TOMM7: variants seen among roughly 807,000 people sequenced by gnomAD.
TOMM7 encodes translocase of outer mitochondrial membrane 7, also known as mitochondrial import receptor subunit TOM7 homolog.
TOMM7 carries 8 observed loss-of-function variants against 9.5 expected under a neutral mutation model. That is an observed-to-expected ratio of 0.84 (90% confidence interval 0.49 to 1.51). The LOEUF is 1.51. TOMM7 is among the 40% of genes most tolerant of loss of function. The pLI is 0.00. For missense variants in TOMM7, 74 were observed against 63.7 expected (o/e 1.16, Z -0.55); for synonymous variants, 27 against 21.4 (o/e 1.26, Z -0.72).
At position 22,817,879 on chromosome 7, in the gene TOMM7, A is replaced by C. The variant is rs866322083; in HGVS notation, c.152+121T>G. The C allele has an allele frequency of 4.2e-6, 4 of 944,232 alleles. No individual in the cohort carries two copies. The African/African-American group carries it at 6.6e-5, about 16-fold the overall frequency. The allele number at this position is 944,232 out of a possible 1,614,324, so 58.5% of individuals were successfully genotyped here. A position where few individuals can be genotyped will look rare whatever the true frequency, so the allele number is the denominator to read the frequency against. ...GTAGTTGCAGTTTTCCAATAGCCCA[A>C]AACTATACTGACTGATAAAGCTCCA... On this transcript the variant is annotated intron_variant, in intron 2 of 2. Transcript: ENST00000358435.
chr7:22,817,287 T>C (rs557623278), intron 2 of TOMM7: 1 of 153,672 alleles, frequency 6.5e-6, no homozygotes, highest in Non-Finnish European at 1.5e-5. Flanking sequence ...ACCAGCAAGA[T>C]CATTTCTGAG....
intron 1 of TOMM7, among the ~76,000 whole-genome samples, chr7:22,819,551 A>G (rs1782360214): frequency 6.6e-6 from 1 of 152,170 alleles, no homozygotes; most frequent in Non-Finnish European, 1.5e-5. Flanking sequence ...TTGTATTTTT[A>G]GTAGAGACAG....
chr7:22,813,763 A>G (rs1330046786), intron 2 of TOMM7, among the ~76,000 whole-genome samples: 1 of 151,210 alleles, frequency 6.6e-6, no homozygotes, highest in Non-Finnish European at 1.5e-5. Context: ...CAAACATTCC[A>G]GCCACTAAGA....
intron 2 of TOMM7, among the ~76,000 whole-genome samples, chr7:22,817,082 G>A (rs1313185942): frequency 6.6e-6 from 1 of 152,056 alleles, no homozygotes; most frequent in African/African-American, 2.4e-5. Flanking sequence ...CAGGATCAAG[G>A]AGAAATCCGA....
intron 2 of TOMM7, 38 bp from the exon 3 acceptor site, chr7:22,813,223 C>A (rs1317682383): frequency 6.3e-7 from 1 of 1,594,716 alleles, no homozygotes; most frequent in Non-Finnish European, 8.6e-7. Context: ...AATTAAATTC[C>A]GAAATAAAAA....
chr7:22,815,172 A>G (rs920645070), intron 2 of TOMM7, among the ~76,000 whole-genome samples: 13 of 152,206 alleles, frequency 8.5e-5, no homozygotes, highest in African/African-American at 2.4e-4. Flanking sequence ...TGAGAAGACA[A>G]TAAGATGAAG....
chr7:22,819,039 G>T (rs1782352812), intron 1 of TOMM7, among the ~76,000 whole-genome samples: 1 of 152,008 alleles, frequency 6.6e-6, no homozygotes, highest in African/African-American at 2.4e-5. Context: ...TTGGCGGCAG[G>T]GGATGGATCA....
chr7:22,822,730 T>G lies in TOMM7; in HGVS notation c.50A>C (p.Lys17Thr), dbSNP rs764242809. Residue 17 changes from lysine (K) to threonine (T), a missense_variant, in exon 1 of 3, where the codon AAG (lysine) becomes ACG (threonine). Coordinates refer to ENST00000358435, the MANE Select transcript of TOMM7 (RefSeq NM_019059.5). ...EAKQRLQQLFKGSQFAIRWGF... is the reference protein window; with the variant it reads ...EAKQRLQQLFTGSQFAIRWGF... Reference sequence around the variant, plus strand: ...CCAGCGAATGGCAAACTGGCTCCCCTTGAAGAGCTGCTGTAGTCTCTGCTT... The same window carrying G: ...CCAGCGAATGGCAAACTGGCTCCCCGTGAAGAGCTGCTGTAGTCTCTGCTT... 6.8e-6 allele frequency: 11 copies of G among 1,614,208 alleles called. No individual in the cohort carries two copies. The South Asian group carries it at 9.9e-5, about 14-fold the overall frequency.
At position 22,822,725 on chromosome 7, in the gene TOMM7, TC is replaced by T; in HGVS notation, c.54del (p.Ser19AlafsTer13). ...AKQRLQQLFK[G>X]SQFAIRWGFI... The stretch of plus-strand genomic sequence containing the variant: ...AAGCCCCAGCGAATGGCAAACTGGC[TC>T]CCCTTGAAGAGCTGCTGTAGTCTCT... On this transcript the variant is annotated frameshift_variant, in exon 1 of 3. Coordinates refer to ENST00000358435, the MANE Select transcript of TOMM7 (RefSeq NM_019059.5). LOFTEE classifies it high-confidence loss of function. 2 of 1,614,198 alleles carry T rather than the reference TC, an allele frequency of 1.2e-6. No homozygotes were observed. Among genetic ancestry groups the T allele is most frequent in the Non-Finnish European group, 1.7e-6 (2 of 1,180,034 alleles).
At chr7:22,814,635 A>G (rs957359348) in intron 2 of TOMM7, among the ~76,000 whole-genome samples, 2 of 152,178 alleles carry the variant, frequency 1.3e-5, no homozygotes, top group Admixed American at 6.5e-5. Flanking sequence ...ATAGTCACAT[A>G]TTTTGCCTAA....
chr7:22,813,483 C>T (rs1296492374), intron 2 of TOMM7, among the ~76,000 whole-genome samples: 1 of 152,046 alleles, frequency 6.6e-6, no homozygotes, highest in Non-Finnish European at 1.5e-5. Flanking sequence ...ACAGGTAGGC[C>T]TGATAAACCC....
chr7:22,817,164 CTGTT>C (rs567660259), intron 2 of TOMM7, among the ~76,000 whole-genome samples: 63 of 152,244 alleles, frequency 4.1e-4, no homozygotes, highest in Admixed American at 2.1e-3. Context: ...GCAAACCTGC[CTGTT>C]TGAGATTATA....
At chr7:22,818,089 A>AC (rs751681566) in intron 1 of TOMM7, 41 bp from the exon 2 acceptor site, 1 of 1,569,730 alleles carries the variant, frequency 6.4e-7, no homozygotes, top group East Asian at 2.2e-5. Flanking sequence ...ATTAATTAAA[A>AC]CCCCAGCAGA....
intron 2 of TOMM7, among the ~76,000 whole-genome samples, chr7:22,817,053 C>T (rs990497081): frequency 3.3e-5 from 5 of 152,146 alleles, no homozygotes; most frequent in African/African-American, 1.2e-4. Context: ...TGAGGGCAAC[C>T]CACAAGAGAT....
At chr7:22,818,121 T>C (rs192906615) in intron 1 of TOMM7, 73 bp from the exon 2 acceptor site, 2 of 1,442,938 alleles carry the variant, frequency 1.4e-6, no homozygotes, top group African/African-American at 1.4e-5. Flanking sequence ...CAATCAAGAC[T>C]TTTTCTTCTT....
intron 1 of TOMM7, among the ~76,000 whole-genome samples, chr7:22,821,008 G>A (rs1782380721): frequency 6.6e-6 from 1 of 152,170 alleles, no homozygotes; most frequent in African/African-American, 2.4e-5. Flanking sequence ...TTTAAAATGT[G>A]AAACTGAGTT....
chr7:22,816,467 T>C (rs953599329), intron 2 of TOMM7, among the ~76,000 whole-genome samples: 2 of 152,186 alleles, frequency 1.3e-5, no homozygotes, highest in African/African-American at 2.4e-5. Flanking sequence ...AGAAAATTGA[T>C]AGATCAAAGA....
chr7:22,822,589 C>T, intron 1 of TOMM7, 88 bp downstream of exon 1: 3 of 1,181,320 alleles, frequency 2.5e-6, no homozygotes, highest in Non-Finnish European at 3.8e-6. Context: ...CCCTATTTTT[C>T]TCTCCCTCCC....
chr7:22,819,858 C>T (rs1331226215), intron 1 of TOMM7, among the ~76,000 whole-genome samples: 3 of 152,176 alleles, frequency 2.0e-5, no homozygotes, highest in Admixed American at 6.5e-5. Context: ...TTCCAACAAG[C>T]GGCTCATTAA....
Sources: allele counts gnomAD v4.1 joint callset (sites outside exome capture counted in the v4.1 genomes callset), GRCh38; gene constraint gnomAD v4.1.1; transcripts MANE v1.5; gene names NCBI Gene and HGNC (gene_info 2026-07-23, HGNC 2026-07-21).